DNAI2: variants seen among roughly 807,000 people sequenced by gnomAD.
DNAI2 encodes dynein, axonemal, intermediate polypeptide 2.
DNAI2 carries 63 observed loss-of-function variants against 74.7 expected under a neutral mutation model. That is an observed-to-expected ratio of 0.84 (90% CI 0.69 to 1.04). DNAI2 has a LOEUF of 1.04. Among genes scored for constraint, DNAI2 ranks in the 50% least tolerant of loss-of-function variants. The pLI is 0.00. For missense variants in DNAI2, 688 were observed against 803.2 expected, an observed-to-expected ratio of 0.86 and a Z score of 1.73; for synonymous variants, 289 against 314.9, an observed-to-expected ratio of 0.92 and a Z score of 0.87.
At chr17:74,309,744 G>A (rs376484986) in intron 10 of DNAI2, 25 of 633,190 alleles carry the variant, frequency 3.9e-5, no homozygotes, top group African/African-American at 2.0e-4. Flanking sequence ...CCAGAGCTGA[G>A]CCCCACTGGC....
chr17:74,276,361 C>T (rs1349338231), intron 1 of DNAI2, among the ~76,000 whole-genome samples: 1 of 152,236 alleles, frequency 6.6e-6, no homozygotes, highest in Middle Eastern at 3.4e-3. Flanking sequence ...GCCTCTGGGA[C>T]TCTAGGTTCC....
rs148488355 is a variant in DNAI2, at chr17:74,299,740, C to A, written c.747C>A (p.Gly249=). The change falls in exon 7 of 14, where the codon GGC becomes GGA. Residue 249 remains glycine, a synonymous_variant. Transcript: ENST00000311014. ...GQIACWDTRK[G]SLVAELSTIE... The stretch of plus-strand genomic sequence containing the variant: ...CAGCCTGCTGGGACACCCGAAAGGG[C>A]AGCCTGGTGGCGGAGCTATCCACCA... The A allele has an allele frequency of 1.2e-6, 2 of 1,613,514 alleles. No homozygotes were observed. The highest frequency in any genetic ancestry group is 2.2e-5 in the South Asian group (2 of 91,062).
In DNAI2 at chr17:74,309,167, C is replaced by T. The variant is rs370938447; in HGVS notation, c.1212-86C>T. The T allele has an allele frequency of 9.4e-6, 14 of 1,487,938 alleles. No homozygotes were observed. The East Asian group carries it at 1.4e-4, about 15-fold the overall frequency. 92.2% of individuals were successfully genotyped at this position (1,487,938 alleles called of 1,614,324 possible). A position where few individuals can be genotyped will look rare whatever the true frequency, so the allele number is the denominator to read the frequency against. On this transcript the variant is annotated intron_variant, in intron 9 of 13. Coordinates refer to ENST00000311014, the MANE Select transcript of DNAI2 (RefSeq NM_023036.6). Reference sequence around the variant, plus strand: ...TTCCTACCTAGCAAGACTCTGAGATCCTGGAGCCCAGAAGGGACCAAGTGA... The same window carrying T: ...TTCCTACCTAGCAAGACTCTGAGATTCTGGAGCCCAGAAGGGACCAAGTGA...
In DNAI2 at chr17:74,305,384, G is replaced by A. The variant is rs567531807; in HGVS notation, c.1153G>A (p.Asp385Asn). ...CCCGAAGAACTTCCTGACGGTTGGC[G>A]ACTGGACAGCCCGCATTTGGTCTGA... The part of the protein sequence containing the change: ...FYPKNFLTVG[D>N]WTARIWSEDS... Residue 385 changes from aspartate to asparagine, a missense_variant, in exon 9 of 14, where the codon GAC becomes AAC. Physicochemically the swap from Asp to Asn is conservative, Grantham distance 23. Transcript: ENST00000311014. The A allele has an allele frequency of 3.3e-5, 54 of 1,614,162 alleles. No homozygotes were observed. In the Admixed American group the frequency reaches 5.5e-4, roughly 16 times the overall value.
At chr17:74,277,601 G>A (rs1233005747) in intron 1 of DNAI2, among the ~76,000 whole-genome samples, 2 of 152,176 alleles carry the variant, frequency 1.3e-5, no homozygotes, top group African/African-American at 4.8e-5. Context: ...CCTGGCACAT[G>A]CTTCTAGGGG....
chr17:74,289,019 G>C (rs751662181), intron 4 of DNAI2, among the ~76,000 whole-genome samples: 3 of 152,194 alleles, frequency 2.0e-5, no homozygotes, highest in Non-Finnish European at 4.4e-5. Context: ...TGACTTAGGG[G>C]CCTGGGAAGT....
intron 11 of DNAI2, among the ~76,000 whole-genome samples, chr17:74,311,749 G>A (rs1038760270): frequency 6.6e-6 from 1 of 152,218 alleles, no homozygotes; most frequent in Admixed American, 6.5e-5. Flanking sequence ...TAGCTCCAAA[G>A]GGCGCTCTTC....
At position 74,278,772 on chromosome 17, in the gene DNAI2, T is replaced by C. The variant is rs368199611; in HGVS notation, c.-11-3035T>C. On this transcript the variant is annotated intron_variant, in intron 1 of 13. Coordinates refer to ENST00000311014, the MANE Select transcript of DNAI2 (RefSeq NM_023036.6). ...ATGGGTAACAAAATGAGATTCCATC[T>C]CAAAAAAAAAGAAAGAAAAGAAAAG... Among the ~76,000 whole-genome samples the C allele has an allele frequency of 4.0e-5, 6 of 150,892 alleles. No homozygotes were observed. In the South Asian group the frequency reaches 1.0e-3, roughly 26 times the overall value.
chr17:74,286,297 AAATAATAATAATAAT>A (rs10637482), intron 3 of DNAI2, among the ~76,000 whole-genome samples: 9 of 140,672 alleles, frequency 6.4e-5, no homozygotes, highest in South Asian at 2.4e-4. Flanking sequence ...CTGTGTCTCA[AAATAATAATAATAAT>A]AATAATAATA....
intron 1 of DNAI2, among the ~76,000 whole-genome samples, chr17:74,278,905 C>T (rs1009026189): frequency 1.5e-4 from 23 of 152,356 alleles, no homozygotes; most frequent in Non-Finnish European, 2.6e-4. Context: ...CGGTGGCTCA[C>T]GCCTGTAATC....
chr17:74,283,319 C>T (rs1294593228), intron 2 of DNAI2, among the ~76,000 whole-genome samples: 1 of 152,186 alleles, frequency 6.6e-6, no homozygotes, highest in Non-Finnish European at 1.5e-5. Flanking sequence ...TTCTTAAAAA[C>T]AGGAAGGGCT....
At chr17:74,282,688 A>G (rs556037447) in intron 2 of DNAI2, among the ~76,000 whole-genome samples, 2 of 152,388 alleles carry the variant, frequency 1.3e-5, no homozygotes, top group African/African-American at 4.8e-5. Flanking sequence ...AGAAAGTTCC[A>G]GCCAGAGGGG....
chr17:74,289,490 G>T, intron 4 of DNAI2, 104 bp from the exon 5 acceptor site: 1 of 1,466,522 alleles, frequency 6.8e-7, no homozygotes, highest in South Asian at 1.2e-5. Flanking sequence ...TTATGCCACT[G>T]CCTGGGGGAC....
In DNAI2 at chr17:74,289,387, C is replaced by T. The variant is rs8081850; in HGVS notation, c.468-207C>T. Among the ~76,000 whole-genome samples, 16,834 of 151,984 alleles carry T rather than the reference C, an allele frequency of 0.11. 1,686 individuals carry two copies. The highest frequency in any genetic ancestry group is 0.27 in the African/African-American group (11,243 of 41,378). ...ACTAAAAATACAAAAATTAGCCAGG[C>T]GTGGTGGTGTGCGCCTGTAATCGTA... On this transcript the variant is annotated intron_variant, in intron 4 of 13. Coordinates refer to ENST00000311014, the MANE Select transcript of DNAI2 (RefSeq NM_023036.6).
intron 6 of DNAI2, among the ~76,000 whole-genome samples, chr17:74,293,726 A>AT (rs990456326): frequency 2.0e-5 from 3 of 152,068 alleles, no homozygotes; most frequent in East Asian, 3.9e-4. Context: ...ATAAAATAAA[A>AT]AAATAAAGTA....
chr17:74,276,083 C>T (rs2051056753), intron 1 of DNAI2, among the ~76,000 whole-genome samples: 1 of 152,104 alleles, frequency 6.6e-6, no homozygotes, highest in African/African-American at 2.4e-5. Flanking sequence ...CCCAGTCTCC[C>T]ACGCTGACAC....
Position 74,285,179 on chromosome 17 carries a change from A to C in DNAI2, c.323A>C (p.Asn108Thr). 1 of 1,614,216 alleles carries C rather than the reference A, an allele frequency of 6.2e-7. No individual in the cohort carries two copies. Among genetic ancestry groups the C allele is most frequent in the Non-Finnish European group, 8.5e-7 (1 of 1,180,030 alleles). Residue 108 changes from asparagine (N) to threonine (T), a missense_variant, in exon 3 of 14, where the codon AAC becomes ACC. Transcript: ENST00000311014. The stretch of plus-strand genomic sequence containing the variant: ...GTGGAGAAAGATGAGAACTACGTTA[A>C]CGCCATCATGCAGCTCGGCTCTGTA... ...KKVEKDENYV[N>T]AIMQLGSIME...
intron 1 of DNAI2, among the ~76,000 whole-genome samples, chr17:74,277,487 G>A (rs891736700): frequency 6.6e-6 from 1 of 152,224 alleles, no homozygotes; most frequent in African/African-American, 2.4e-5. Flanking sequence ...GTGGGATGGG[G>A]TGGTACTGTC....
chr17:74,309,772 G>T, intron 10 of DNAI2: 1 of 642,818 alleles, frequency 1.6e-6, no homozygotes, highest in African/African-American at 1.8e-5. Flanking sequence ...ACGGAAGGGT[G>T]GGGGCATTGG....
Sources: gnomAD v4.1 joint callset for allele counts (sites outside exome capture counted in the v4.1 genomes callset) on GRCh38, gnomAD v4.1.1 for gene constraint, MANE v1.5 for transcripts, NCBI Gene and HGNC (gene_info 2026-07-23, HGNC 2026-07-21) for gene names.